Variants in PDSS2 observed in about 807,000 individuals in gnomAD.
PDSS2 encodes decaprenyl diphosphate synthase subunit 2.
In PDSS2, 31 loss-of-function variants were observed where a neutral mutation model predicts 44.5. The observed-to-expected ratio is 0.70, with a 90% CI of 0.52 to 0.94. PDSS2 has a LOEUF of 0.94. PDSS2 is among the 40% of genes least tolerant of loss of function. The pLI is 0.00. For missense variants in PDSS2, 452 were observed against 482.2 expected (o/e 0.94, Z 0.59); for synonymous variants, 157 against 180.3 (o/e 0.87, Z 1.03).
chr6:107,186,801 A>AGAG (rs1772186267), intron 7 of PDSS2, among the ~76,000 whole-genome samples: 1 of 152,308 alleles, frequency 6.6e-6, no homozygotes, highest in East Asian at 1.9e-4. Context: ...ATGCCTTTTT[A>AGAG]TGGCTGCACA....
chr6:107,391,873 G>C (rs1356386410), intron 1 of PDSS2, among the ~76,000 whole-genome samples: 1 of 145,590 alleles, frequency 6.9e-6, no homozygotes, highest in African/African-American at 2.5e-5. Context: ...TAAGACTCAA[G>C]CAAGTCAAAC....
chr6:107,200,754 C>A (rs1772741171), intron 6 of PDSS2, among the ~76,000 whole-genome samples: 1 of 152,050 alleles, frequency 6.6e-6, no homozygotes, highest in Non-Finnish European at 1.5e-5. Flanking sequence ...GCAACCTCCA[C>A]CTCTCAGGTT....
intron 3 of PDSS2, among the ~76,000 whole-genome samples, chr6:107,269,981 G>A (rs1192974488): frequency 6.6e-6 from 1 of 151,014 alleles, no homozygotes; most frequent in African/African-American, 2.4e-5. Context: ...CCAAACTTTT[G>A]ATGACCCATT....
At chr6:107,307,852 T>C (rs1280763771) in intron 2 of PDSS2, among the ~76,000 whole-genome samples, 1 of 152,186 alleles carries the variant, frequency 6.6e-6, no homozygotes, top group Non-Finnish European at 1.5e-5. Flanking sequence ...TAAAGAGTAA[T>C]ATAAGCCAAC....
In PDSS2 at chr6:107,449,185, CACTT is replaced by C. The variant is rs547446535; in HGVS notation, c.296+9801_296+9804del. Among the ~76,000 whole-genome samples the C allele has an allele frequency of 6.6e-5, 10 of 152,344 alleles. No homozygotes were observed. The South Asian group carries it at 2.1e-3, about 32-fold the overall frequency. Reference sequence around the variant, plus strand: ...TCACATTGTCCCTGACTCCAGAAAACACTTACTATTCTCCATCTCCACAGTTTTG... The same window carrying C: ...TCACATTGTCCCTGACTCCAGAAAACACTATTCTCCATCTCCACAGTTTTG... On this transcript the variant is annotated intron_variant, in intron 1 of 7. Coordinates refer to ENST00000369037, the MANE Select transcript of PDSS2 (RefSeq NM_020381.4).
chr6:107,366,111 C>T (rs1445651710), intron 1 of PDSS2, among the ~76,000 whole-genome samples: 2 of 152,006 alleles, frequency 1.3e-5, no homozygotes, highest in South Asian at 2.1e-4. Context: ...TTCAAGCACA[C>T]GTGGAACATT....
At chr6:107,159,650 C>T (rs568373935) in intron 7 of PDSS2, among the ~76,000 whole-genome samples, 1 of 151,494 alleles carries the variant, frequency 6.6e-6, no homozygotes, top group South Asian at 2.1e-4. Flanking sequence ...GATCTCCTGA[C>T]CTTGCGATCC....
intron 6 of PDSS2, among the ~76,000 whole-genome samples, chr6:107,195,286 G>A (rs749391090): frequency 3.4e-4 from 51 of 152,014 alleles, no homozygotes; most frequent in Non-Finnish European, 5.7e-4. Context: ...TTCAAGACCA[G>A]TTGTGGCAAC....
intron 6 of PDSS2, among the ~76,000 whole-genome samples, chr6:107,196,864 T>C (rs1011857412): frequency 1.2e-4 from 18 of 152,052 alleles, no homozygotes; most frequent in Non-Finnish European, 2.4e-4. Flanking sequence ...ATCATACCTA[T>C]GTAATGAAGC....
At chr6:107,379,858 C>T (rs1779403238) in intron 1 of PDSS2, among the ~76,000 whole-genome samples, 1 of 151,898 alleles carries the variant, frequency 6.6e-6, no homozygotes, top group Non-Finnish European at 1.5e-5. Flanking sequence ...TGAGTTAGGG[C>T]TATTCATAAT....
chr6:107,253,350 A>G (rs984326950), intron 3 of PDSS2, among the ~76,000 whole-genome samples: 18 of 152,216 alleles, frequency 1.2e-4, no homozygotes, highest in Admixed American at 1.2e-3. Flanking sequence ...TTGTGGTTTA[A>G]GTATCACTAA....
Position 107,354,411 on chromosome 6 carries a change from T to C in PDSS2, c.297-20079A>G, listed in dbSNP as rs9480766. On this transcript the variant is annotated intron_variant, in intron 1 of 7. Transcript: ENST00000369037. ...ATAGGATATAAAGCAAAGGGCAAAA[T>C]TGCTGTTTAAAAATCAGACTCCATT... is the stretch of plus-strand genomic sequence containing the variant. 8.0e-3 allele frequency among the ~76,000 whole-genome samples: 1,226 copies of C among 152,336 alleles called. 21 individuals are homozygous for C. The highest frequency in any genetic ancestry group is 0.026 in the African/African-American group (1,064 of 41,570).
At chr6:107,292,572 CTT>C (rs1486664561) in intron 2 of PDSS2, among the ~76,000 whole-genome samples, 1 of 152,192 alleles carries the variant, frequency 6.6e-6, no homozygotes, top group Non-Finnish European at 1.5e-5. Flanking sequence ...TGCATGGTCT[CTT>C]TATGCATGAA....
chr6:107,448,556 A>G (rs140651376), intron 1 of PDSS2, among the ~76,000 whole-genome samples: 2 of 152,318 alleles, frequency 1.3e-5, no homozygotes, highest in East Asian at 1.9e-4. Flanking sequence ...TATCACTATC[A>G]GCATTTTGTC....
At chr6:107,188,050 T>C (rs958181199) in intron 7 of PDSS2, among the ~76,000 whole-genome samples, 2 of 152,152 alleles carry the variant, frequency 1.3e-5, no homozygotes, top group Non-Finnish European at 1.5e-5. Flanking sequence ...ATGATGGTTG[T>C]CTTGGCACTA....
chr6:107,417,004 G>C (rs890489633), intron 1 of PDSS2, among the ~76,000 whole-genome samples: 1 of 152,102 alleles, frequency 6.6e-6, no homozygotes, highest in East Asian at 1.9e-4. Flanking sequence ...GGAGGCGGGT[G>C]GATTGCTTGA....
intron 7 of PDSS2, among the ~76,000 whole-genome samples, chr6:107,175,777 T>A (rs1284936181): frequency 6.6e-6 from 1 of 152,196 alleles, no homozygotes; most frequent in African/African-American, 2.4e-5. Context: ...GTCATGCATA[T>A]CTCAATTGAT....
intron 1 of PDSS2, among the ~76,000 whole-genome samples, chr6:107,370,727 A>C (rs1288083406): frequency 6.6e-6 from 1 of 152,228 alleles, no homozygotes; most frequent in Non-Finnish European, 1.5e-5. Context: ...TAACAACTCA[A>C]GAATAATTTA....
intron 3 of PDSS2, among the ~76,000 whole-genome samples, chr6:107,247,722 T>C (rs1266417787): frequency 6.6e-6 from 1 of 150,712 alleles, no homozygotes; most frequent in Non-Finnish European, 1.5e-5. Context: ...ATGTGTTTGG[T>C]CGGGTGCAGT....
Sources: gnomAD v4.1 joint callset for allele counts (sites outside exome capture counted in the v4.1 genomes callset) on GRCh38, gnomAD v4.1.1 for gene constraint, MANE v1.5 for transcripts, NCBI Gene and HGNC (gene_info 2026-07-23, HGNC 2026-07-21) for gene names.